KCNIP4: variants seen among roughly 807,000 people sequenced by gnomAD.
The protein encoded by KCNIP4 is Kv channel-interacting protein 4.
Under a neutral mutation model 34.0 loss-of-function variants are expected in KCNIP4, and 12 were observed. The observed-to-expected ratio is 0.35, with a 90% CI of 0.23 to 0.57. KCNIP4 has a LOEUF of 0.57. Ranked by LOEUF, KCNIP4 falls within the 20% of genes least tolerant of loss-of-function variation. KCNIP4 has a pLI of 0.83. For missense variants in KCNIP4, 238 were observed against 311.7 expected (o/e 0.76, Z 1.78); for synonymous variants, 124 against 102.2 (o/e 1.21, Z -1.29).
chr4:21,699,401 T>C (rs1712643231), intron 1 of KCNIP4, among the ~76,000 whole-genome samples: 1 of 152,132 alleles, frequency 6.6e-6, no homozygotes, highest in Non-Finnish European at 1.5e-5. Context: ...AAACATCAGG[T>C]TATCAAATAA....
intron 1 of KCNIP4, among the ~76,000 whole-genome samples, chr4:21,271,753 G>A (rs1045838840): frequency 5.3e-5 from 8 of 152,136 alleles, no homozygotes; most frequent in East Asian, 1.9e-4. Context: ...TATAAGGCTC[G>A]CACACACATA....
chr4:21,097,429 A>C (rs181831540), intron 1 of KCNIP4, among the ~76,000 whole-genome samples: 31 of 152,104 alleles, frequency 2.0e-4, no homozygotes, highest in African/African-American at 7.5e-4. Context: ...CAAACTAAAG[A>C]TTTTTGGCAA....
At position 21,226,917 on chromosome 4, in the gene KCNIP4, T is replaced by C. The variant is rs528822311; in HGVS notation, c.62-344208A>G. The stretch of plus-strand genomic sequence containing the variant: ...GGTACCCTTTCTGTAAAATGGAAGA[T>C]GGGCTAGATTATTAACACCTTTTCA... On this transcript the variant is annotated intron_variant, in intron 1 of 8. Coordinates refer to ENST00000382152, the MANE Select transcript of KCNIP4 (RefSeq NM_025221.6). Among the ~76,000 whole-genome samples, 9 of 152,276 alleles carry C rather than the reference T, an allele frequency of 5.9e-5. No homozygotes were observed. In the South Asian group the frequency reaches 1.9e-3, roughly 32 times the overall value.
chr4:21,866,333 G>C (rs779556928), intron 1 of KCNIP4, among the ~76,000 whole-genome samples: 3 of 152,148 alleles, frequency 2.0e-5, no homozygotes, highest in Non-Finnish European at 4.4e-5. Flanking sequence ...AGGAGGACCA[G>C]GGTCAAGCTC....
chr4:20,980,756 T>C lies in KCNIP4; in HGVS notation c.62-98047A>G, dbSNP rs11943573. The stretch of plus-strand genomic sequence containing the variant: ...GACAACATGTAAGCTCAATGCTGCC[T>C]AAAAGAAGCTCAAATTTCTACTCTG... On this transcript the variant is annotated intron_variant, in intron 1 of 8. Coordinates refer to ENST00000382152, the MANE Select transcript of KCNIP4 (RefSeq NM_025221.6). Among the ~76,000 whole-genome samples the C allele has an allele frequency of 8.3e-3, 1,261 of 151,308 alleles. 18 individuals are homozygous for C. The highest frequency in any genetic ancestry group is 0.029 in the African/African-American group (1,191 of 41,218).
At chr4:20,776,108 C>G (rs1237203548) in intron 3 of KCNIP4, among the ~76,000 whole-genome samples, 1 of 152,116 alleles carries the variant, frequency 6.6e-6, no homozygotes, top group East Asian at 1.9e-4. Flanking sequence ...TTTTAGAGCT[C>G]ATGGATAGTC....
chr4:20,845,511 C>T (rs1002114081), intron 3 of KCNIP4, among the ~76,000 whole-genome samples: 5 of 152,154 alleles, frequency 3.3e-5, no homozygotes, highest in African/African-American at 1.2e-4. Flanking sequence ...TCTGCTGACT[C>T]CCTTTTTGGA....
At chr4:21,723,057 A>ATTTATT (rs1714935716) in intron 1 of KCNIP4, among the ~76,000 whole-genome samples, 1 of 152,146 alleles carries the variant, frequency 6.6e-6, no homozygotes, top group Non-Finnish European at 1.5e-5. Context: ...ATATTTCTAC[A>ATTTATT]GAATAAAATT....
intron 1 of KCNIP4, among the ~76,000 whole-genome samples, chr4:21,385,721 G>A (rs866437887): frequency 2.0e-5 from 3 of 152,114 alleles, no homozygotes; most frequent in South Asian, 4.1e-4. Context: ...ACTAGATTGT[G>A]GCCGTGAAGC....
chr4:21,446,288 G>A (rs1727980368), intron 1 of KCNIP4, among the ~76,000 whole-genome samples: 1 of 152,042 alleles, frequency 6.6e-6, no homozygotes, highest in African/African-American at 2.4e-5. Context: ...ATACCCAAAG[G>A]ATTATAAATC....
At chr4:21,105,807 G>A (rs540114408) in intron 1 of KCNIP4, among the ~76,000 whole-genome samples, 3 of 151,486 alleles carry the variant, frequency 2.0e-5, no homozygotes, top group Admixed American at 6.6e-5. Flanking sequence ...TAGCATGAAG[G>A]GTTGTTGAAT....
rs1721208936 is a variant in KCNIP4, at chr4:21,804,966, A to C, written c.61+143605T>G. ...ACAACAGAGAAATGACTACAATTCA[A>C]TGGAGAAGAAAAAGACCACAAATTA... On this transcript the variant is annotated intron_variant, in intron 1 of 8. Coordinates refer to ENST00000382152, the MANE Select transcript of KCNIP4 (RefSeq NM_025221.6). Among the ~76,000 whole-genome samples the C allele has an allele frequency of 1.3e-5, 2 of 152,240 alleles. 1 individual carries two copies. Among genetic ancestry groups the C allele is most frequent in the South Asian group, 4.1e-4 (2 of 4,830 alleles).
intron 1 of KCNIP4, among the ~76,000 whole-genome samples, chr4:20,994,524 C>T (rs1222881469): frequency 6.6e-6 from 1 of 152,160 alleles, no homozygotes; most frequent in Non-Finnish European, 1.5e-5. Flanking sequence ...AAAAAGGGAA[C>T]ACTAAACAAT....
At chr4:21,920,873 C>CTTTTTTTTTTTTTTCTTTTTTTTTTTTTT (rs1728899285) in intron 1 of KCNIP4, among the ~76,000 whole-genome samples, 2 of 151,638 alleles carry the variant, frequency 1.3e-5, no homozygotes, top group African/African-American at 2.4e-5. Flanking sequence ...TGTACATTTT[C>CTTTTTTTTTTTTTTCTTTTTTTTTTTTTT]TTTGTTTGCT....
intron 1 of KCNIP4, among the ~76,000 whole-genome samples, chr4:21,152,549 A>T (rs1300549656): frequency 1.3e-5 from 2 of 151,750 alleles, no homozygotes; most frequent in African/African-American, 4.8e-5. Flanking sequence ...CACTTTTCTA[A>T]TGCAGACATC....
At chr4:20,833,117 A>G (rs1328830554) in intron 3 of KCNIP4, among the ~76,000 whole-genome samples, 1 of 152,134 alleles carries the variant, frequency 6.6e-6, no homozygotes, top group Non-Finnish European at 1.5e-5. Flanking sequence ...AAATGATAAT[A>G]TTTCTCTTCA....
chr4:20,829,215 T>TTTTTTATTTTA (rs1718129501), intron 3 of KCNIP4, among the ~76,000 whole-genome samples: 1 of 136 alleles, frequency 7.4e-3, no homozygotes, highest in South Asian at 0.12. Context: ...TTTTATTTTA[T>TTTTTTATTTTA]TTTTTTTTTT....
At chr4:21,240,057 A>T (rs1260492745) in intron 1 of KCNIP4, among the ~76,000 whole-genome samples, 2 of 151,950 alleles carry the variant, frequency 1.3e-5, no homozygotes, top group African/African-American at 4.8e-5. Flanking sequence ...AAAAATGATG[A>T]GTTCATGTCC....
intron 1 of KCNIP4, among the ~76,000 whole-genome samples, chr4:21,928,004 T>C (rs996449419): frequency 4.6e-5 from 7 of 152,038 alleles, no homozygotes; most frequent in African/African-American, 7.2e-5. Flanking sequence ...TCTGTCTACA[T>C]AGGTTATAAG....
Sources: allele counts gnomAD v4.1 joint callset (sites outside exome capture counted in the v4.1 genomes callset), GRCh38; gene constraint gnomAD v4.1.1; transcripts MANE v1.5; gene names NCBI Gene and HGNC (gene_info 2026-07-23, HGNC 2026-07-21).